Variants in GLT1D1 observed in about 807,000 individuals in gnomAD.
The protein encoded by GLT1D1 is glycosyltransferase 1 domain containing 1, also known as glycosyltransferase 1 domain-containing protein 1.
GLT1D1 carries 21 observed loss-of-function variants against 28.7 expected under a neutral mutation model. The ratio of observed to expected loss-of-function variants is 0.73; its 90% CI spans 0.52 to 1.05. The LOEUF (loss-of-function observed/expected upper bound fraction) is 1.05, where lower values mean the gene tolerates loss of function less well. Among genes scored for constraint, GLT1D1 ranks in the 50% least tolerant of loss-of-function variants. The probability of loss-of-function intolerance (pLI) is 0.00; values close to 1 mark genes in which losing one functional copy is unlikely to be tolerated. For synonymous variants in GLT1D1, 147 were observed against 124.8 expected, an observed-to-expected ratio of 1.18 and a Z score of -1.19; for missense variants, 343 against 330.6, an observed-to-expected ratio of 1.04 and a Z score of -0.29.
chr12:128,961,906 T>A (rs1407727418), intron 7 of GLT1D1, among the ~76,000 whole-genome samples: 1 of 152,162 alleles, frequency 6.6e-6, no homozygotes, highest in Admixed American at 6.5e-5. Context: ...GACCTTTTTT[T>A]TTGAAACCAT....
At chr12:128,933,506 C>A (rs1874180360) in intron 4 of GLT1D1, among the ~76,000 whole-genome samples, 1 of 152,180 alleles carries the variant, frequency 6.6e-6, no homozygotes, top group Non-Finnish European at 1.5e-5. Flanking sequence ...TTTTATTTTA[C>A]CCCAAAATTG....
chr12:128,864,368 C>G (rs1566082789), intron 1 of GLT1D1, among the ~76,000 whole-genome samples: 1 of 151,910 alleles, frequency 6.6e-6, no homozygotes, highest in Admixed American at 6.6e-5. Flanking sequence ...ATCCAGAAAA[C>G]TTAGGGAAGC....
chr12:128,899,550 T>G (rs201578687), intron 4 of GLT1D1, among the ~76,000 whole-genome samples: 105,261 of 125,130 alleles, frequency 0.84, 43,926 homozygotes, highest in South Asian at 0.93. Context: ...GTTGCTGTTT[T>G]TTTTTTTTTT....
intron 7 of GLT1D1, among the ~76,000 whole-genome samples, chr12:128,973,754 G>A (rs564492590): frequency 2.6e-5 from 4 of 152,166 alleles, no homozygotes; most frequent in East Asian, 1.9e-4. Context: ...TCAGCCAGCC[G>A]GGTGTGTGTT....
At chr12:128,884,002 T>C (rs1404206941) in intron 2 of GLT1D1, among the ~76,000 whole-genome samples, 1 of 152,152 alleles carries the variant, frequency 6.6e-6, no homozygotes, top group East Asian at 1.9e-4. Flanking sequence ...TAAGAGTTTA[T>C]AAATATATCC....
intron 4 of GLT1D1, among the ~76,000 whole-genome samples, chr12:128,942,998 C>T (rs1485454514): frequency 1.3e-5 from 2 of 152,240 alleles, no homozygotes; most frequent in Non-Finnish European, 2.9e-5. Context: ...CCACCCGCCT[C>T]GGCCTCCCAG....
intron 7 of GLT1D1, among the ~76,000 whole-genome samples, chr12:128,960,114 C>T (rs1877784070): frequency 6.6e-6 from 1 of 152,196 alleles, no homozygotes; most frequent in Non-Finnish European, 1.5e-5. Context: ...AGACACGACT[C>T]TGCGGCACTC....
chr12:128,910,998 C>T (rs113010537), intron 4 of GLT1D1, among the ~76,000 whole-genome samples: 7,370 of 152,222 alleles, frequency 0.048, 254 homozygotes, highest in Non-Finnish European at 0.072. Flanking sequence ...GGCGCAATGT[C>T]GGCTCACTGC....
intron 1 of GLT1D1, among the ~76,000 whole-genome samples, chr12:128,858,225 A>T (rs1956271411): frequency 6.6e-6 from 1 of 152,162 alleles, no homozygotes; most frequent in Non-Finnish European, 1.5e-5. Context: ...TTTATTTGAC[A>T]CTGTATATCG....
intron 4 of GLT1D1, among the ~76,000 whole-genome samples, chr12:128,924,229 C>T (rs1284260783): frequency 6.6e-6 from 1 of 151,904 alleles, no homozygotes; most frequent in Admixed American, 6.5e-5. Context: ...GAGTTCGAGA[C>T]CAGCCTGGCC....
At chr12:128,920,409 C>G (rs759049152) in intron 4 of GLT1D1, among the ~76,000 whole-genome samples, 2 of 152,026 alleles carry the variant, frequency 1.3e-5, no homozygotes, top group East Asian at 3.9e-4. Flanking sequence ...CAAAAATTAG[C>G]CAGGTGTGGT....
At chr12:128,959,148 T>C (rs986998140) in intron 7 of GLT1D1, among the ~76,000 whole-genome samples, 1 of 151,972 alleles carries the variant, frequency 6.6e-6, no homozygotes, top group Admixed American at 6.6e-5. Context: ...AATTAGCTTC[T>C]TAAAAAAATA....
At chr12:128,937,200 T>C (rs1874652631) in intron 4 of GLT1D1, among the ~76,000 whole-genome samples, 1 of 152,230 alleles carries the variant, frequency 6.6e-6, no homozygotes, top group Non-Finnish European at 1.5e-5. Context: ...AAAAAAGGCT[T>C]TCATTGGACT....
At chr12:128,961,098 T>G (rs1877897187) in intron 7 of GLT1D1, among the ~76,000 whole-genome samples, 1 of 152,270 alleles carries the variant, frequency 6.6e-6, no homozygotes, top group South Asian at 2.1e-4. Flanking sequence ...GCATTCCCTA[T>G]TCTTTTCATT....
intron 3 of GLT1D1, among the ~76,000 whole-genome samples, chr12:128,892,019 C>G (rs943181534): frequency 6.6e-6 from 1 of 152,046 alleles, no homozygotes; most frequent in African/African-American, 2.4e-5. Context: ...CAACTGGAAG[C>G]GAGGCAGGAA....
chr12:128,918,661 G>A (rs936969613), intron 4 of GLT1D1, among the ~76,000 whole-genome samples: 7 of 152,154 alleles, frequency 4.6e-5, no homozygotes, highest in African/African-American at 1.2e-4. Context: ...GAACCCACAC[G>A]ACCTCAGCTG....
At chr12:128,860,458 C>G (rs898456318) in intron 1 of GLT1D1, among the ~76,000 whole-genome samples, 1 of 152,202 alleles carries the variant, frequency 6.6e-6, no homozygotes, top group Non-Finnish European at 1.5e-5. Context: ...GAGACTCCGT[C>G]TCAACAAAAA....
chr12:128,860,832 C>G (rs544307727), intron 1 of GLT1D1, among the ~76,000 whole-genome samples: 15 of 152,280 alleles, frequency 9.9e-5, no homozygotes, highest in Non-Finnish European at 2.1e-4. Context: ...TCCCCACCCC[C>G]CTCTGATCCC....
At chr12:128,882,260 G>A (rs1351191706) in intron 2 of GLT1D1, among the ~76,000 whole-genome samples, 1 of 150,798 alleles carries the variant, frequency 6.6e-6, no homozygotes, top group Non-Finnish European at 1.5e-5. Context: ...CGGATATATT[G>A]CAGGTATAAC....
Sources: gnomAD v4.1 joint callset for allele counts (sites outside exome capture counted in the v4.1 genomes callset) on GRCh38, gnomAD v4.1.1 for gene constraint, MANE v1.5 for transcripts, NCBI Gene and HGNC (gene_info 2026-07-23, HGNC 2026-07-21) for gene names.